Variants in KRT8 observed in about 807,000 individuals in gnomAD.
KRT8 encodes keratin, type II cytoskeletal 8.
In KRT8, 24 loss-of-function variants were observed where a neutral mutation model predicts 43.0. The ratio of observed to expected loss-of-function variants is 0.56; its 90% confidence interval spans 0.40 to 0.78. The LOEUF is 0.78. KRT8 is among the 30% of genes least tolerant of loss of function. The probability of loss-of-function intolerance (pLI) is 0.00; values close to 1 mark genes in which losing one functional copy is unlikely to be tolerated. For missense variants in KRT8, 492 were observed against 638.4 expected, an observed-to-expected ratio of 0.77 and a Z score of 2.47; for synonymous variants, 214 against 261.2, an observed-to-expected ratio of 0.82 and a Z score of 1.74.
intron 2 of KRT8, among the ~76,000 whole-genome samples, chr12:52,918,168 A>G (rs149750818): frequency 0.24 from 24,643 of 103,000 alleles, 4,831 homozygotes; most frequent in Middle Eastern, 0.31. Context: ...AAGAAGAAGA[A>G]GAAGAGGAAG....
intron 3 of KRT8, 182 bp downstream of exon 3, chr12:52,900,977 G>T: frequency 1.5e-6 from 1 of 688,544 alleles, no homozygotes; most frequent in South Asian, 1.6e-5. Context: ...GATGTCAAGA[G>T]TTCTGTCCAA....
At chr12:52,917,966 A>C (rs969254415) in intron 2 of KRT8, among the ~76,000 whole-genome samples, 2 of 148,260 alleles carry the variant, frequency 1.3e-5, no homozygotes, top group Non-Finnish European at 3.0e-5. Context: ...AAGAAGAAGA[A>C]GAGGAAGAGG....
chr12:52,938,166 A>T lies in KRT8; in HGVS notation c.-47+11290T>A, dbSNP rs1427374252. ...TATATATATATATATATATATATAT[A>T]TATATTTTTTTTTTTTTTTATATAT... On this transcript the variant is annotated intron_variant, in intron 2 of 6. Coordinates refer to the KRT8 transcript ENST00000546826. Among the ~76,000 whole-genome samples the T allele has an allele frequency of 2.6e-3, 96 of 37,032 alleles. 1 individual carries two copies. Among genetic ancestry groups the T allele is most frequent in the South Asian group, 0.023 (30 of 1,310 alleles). The allele number at this position is 37,032 out of a possible 152,430, so 24.3% of individuals were successfully genotyped here. A position where few individuals can be genotyped will look rare whatever the true frequency, so the allele number is the denominator to read the frequency against.
rs57023136 is a variant in KRT8, at chr12:52,922,184, TAAAAAAAAAAAAAAAAAAAA to T, written c.-46-17177_-46-17158del. Among the ~76,000 whole-genome samples the T allele has an allele frequency of 8.8e-3, 342 of 38,732 alleles. 15 individuals are homozygous for T. The Admixed American group carries it at 0.092, about 10-fold the overall frequency. The allele number at this position is 38,732 out of a possible 152,430, so 25.4% of individuals were successfully genotyped here. A position where few individuals can be genotyped will look rare whatever the true frequency, so the allele number is the denominator to read the frequency against. On this transcript the variant is annotated intron_variant, in intron 2 of 6. Coordinates refer to the KRT8 transcript ENST00000546826. ...GGGTGACAGAGTGAGACCCTGTCTCTAAAAAAAAAAAAAAAAAAAAAAAAAAAAAAAAAAAAATGTAGCAA... is the reference window on the plus strand; with the variant it reads ...GGGTGACAGAGTGAGACCCTGTCTCTAAAAAAAAAAAAAAAAATGTAGCAA...
At chr12:52,901,447 T>C (rs148262464) in intron 2 of KRT8, 2 of 595,736 alleles carry the variant, frequency 3.4e-6, no homozygotes, top group African/African-American at 3.7e-5. Context: ...ACACATCGGA[T>C]TGGACACCTT....
At chr12:52,926,572 C>A in intron 2 of KRT8, 1 of 957,870 alleles carries the variant, frequency 1.0e-6, no homozygotes, top group South Asian at 1.5e-5. Flanking sequence ...TTGTTACACC[C>A]CTGGGCTGGG....
chr12:52,899,147 T>C (rs1441326187), intron 5 of KRT8, among the ~76,000 whole-genome samples: 1 of 152,130 alleles, frequency 6.6e-6, no homozygotes, highest in African/African-American at 2.4e-5. Flanking sequence ...ACCCCGTCTC[T>C]AGTAAAAATA....
intron 7 of KRT8, 83 bp downstream of exon 7, chr12:52,898,378 G>T: frequency 2.5e-6 from 3 of 1,203,088 alleles, no homozygotes; most frequent in South Asian, 2.5e-5. Flanking sequence ...CACTGTGAGC[G>T]ACTGAGCACA....
At chr12:52,928,767 G>A (rs181798337) in intron 2 of KRT8, among the ~76,000 whole-genome samples, 8 of 152,250 alleles carry the variant, frequency 5.3e-5, no homozygotes, top group South Asian at 2.1e-4. Flanking sequence ...TTAGCTGGGC[G>A]TGGTGGCAGG....
At chr12:52,942,642 C>A (rs1203680536) in intron 2 of KRT8, among the ~76,000 whole-genome samples, 2 of 152,154 alleles carry the variant, frequency 1.3e-5, no homozygotes, top group African/African-American at 4.8e-5. Flanking sequence ...GCCCTTTCAG[C>A]CATGTTTTAA....
intron 6 of KRT8, 23 bp downstream of exon 6, chr12:52,898,656 C>T (rs775400082): frequency 3.7e-6 from 6 of 1,613,960 alleles, no homozygotes; most frequent in East Asian, 4.5e-5. Context: ...GAAGCAGGTC[C>T]GGTCAGAGGT....
chr12:52,902,681 C>A (rs982588723), intron 1 of KRT8, among the ~76,000 whole-genome samples: 1 of 151,998 alleles, frequency 6.6e-6, no homozygotes, highest in South Asian at 2.1e-4. Context: ...AGCCACCGCG[C>A]CCGGCCAAAA....
chr12:52,914,266 G>C (rs1045667830), intron 2 of KRT8, among the ~76,000 whole-genome samples: 2 of 151,464 alleles, frequency 1.3e-5, no homozygotes, highest in African/African-American at 4.9e-5. Context: ...ACCGGGTGCA[G>C]TGGCTCACGC....
At chr12:52,947,690 C>G (rs2120752679) in intron 2 of KRT8, 1 of 144,548 alleles carries the variant, frequency 6.9e-6, no homozygotes, top group Non-Finnish European at 1.5e-5. Flanking sequence ...GTTGGTCAGG[C>G]TGGTCTCAAA....
chr12:52,949,102 C>T, intron 2 of KRT8: 1 of 1,333,772 alleles, frequency 7.5e-7, no homozygotes, highest in Non-Finnish European at 1.0e-6. Flanking sequence ...TAACTCGGGT[C>T]GCGCGGCTCG....
chr12:52,906,803 A>G (rs1448536612), upstream of KRT8: 2 of 455,672 alleles, frequency 4.4e-6, no homozygotes, highest in Non-Finnish European at 8.8e-6. Context: ...GTGACCACCT[A>G]CTGGGAGGAC....
chr12:52,937,251 A>T (rs1417713405), intron 2 of KRT8, among the ~76,000 whole-genome samples: 1 of 151,840 alleles, frequency 6.6e-6, no homozygotes, highest in African/African-American at 2.4e-5. Flanking sequence ...TGCACCTGTA[A>T]TCCCAGCCAC....
chr12:52,898,770 G>C (rs753147168), exon 6 of KRT8: 1 of 1,614,254 alleles, frequency 6.2e-7, no homozygotes, highest in South Asian at 1.1e-5. Flanking sequence ...TACTCACGCA[G>C]CTGCCGCGCC....
At chr12:52,939,598 C>T (rs1389895675) in intron 2 of KRT8, among the ~76,000 whole-genome samples, 3 of 151,758 alleles carry the variant, frequency 2.0e-5, no homozygotes, top group South Asian at 2.1e-4. Context: ...GGCGTATACC[C>T]GCGATTCCAG....
Sources: gnomAD v4.1 joint callset for allele counts (sites outside exome capture counted in the v4.1 genomes callset) on GRCh38, gnomAD v4.1.1 for gene constraint, MANE v1.5 for transcripts, NCBI Gene and HGNC (gene_info 2026-07-23, HGNC 2026-07-21) for gene names.